Variants in WNT7A observed in about 807,000 individuals in gnomAD.
The protein encoded by WNT7A is protein Wnt-7a.
Under a neutral mutation model 28.2 loss-of-function variants are expected in WNT7A, and 16 were observed. The ratio of observed to expected loss-of-function variants is 0.57; its 90% CI spans 0.38 to 0.86. WNT7A has a LOEUF of 0.86. WNT7A is among the 40% of genes least tolerant of loss of function. The pLI, the probability that WNT7A is intolerant of heterozygous loss-of-function variation, is 0.00. For missense variants in WNT7A, 411 were observed against 489.7 expected, an observed-to-expected ratio of 0.84 and a Z score of 1.52; for synonymous variants, 190 against 195.9, an observed-to-expected ratio of 0.97 and a Z score of 0.25.
chr3:13,849,433 T>C (rs1213056448), intron 3 of WNT7A, among the ~76,000 whole-genome samples: 1 of 152,220 alleles, frequency 6.6e-6, no homozygotes, highest in Non-Finnish European at 1.5e-5. Context: ...TCCTGTATTA[T>C]ACCTTGCAGC....
intron 3 of WNT7A, among the ~76,000 whole-genome samples, chr3:13,835,946 C>G (rs1338445321): frequency 6.6e-6 from 1 of 152,140 alleles, no homozygotes; most frequent in East Asian, 1.9e-4. Flanking sequence ...GTGTATGCTT[C>G]CAGGTGTATG....
intron 3 of WNT7A, among the ~76,000 whole-genome samples, chr3:13,846,576 T>C (rs911300882): frequency 1.1e-4 from 17 of 152,210 alleles, no homozygotes; most frequent in African/African-American, 4.1e-4. Context: ...AGTGCTGATA[T>C]TAGAATCATG....
chr3:13,827,065 G>A (rs376743971), intron 3 of WNT7A, among the ~76,000 whole-genome samples: 8 of 152,206 alleles, frequency 5.3e-5, no homozygotes, highest in Non-Finnish European at 1.2e-4. Flanking sequence ...CTACTCCACA[G>A]GGTCTGCAGG....
At chr3:13,838,930 C>T (rs750109856) in intron 3 of WNT7A, among the ~76,000 whole-genome samples, 1 of 152,122 alleles carries the variant, frequency 6.6e-6, no homozygotes, top group Non-Finnish European at 1.5e-5. Flanking sequence ...AAACAAATGC[C>T]AGACTTTAAA....
At chr3:13,849,746 C>T (rs936874814) in intron 3 of WNT7A, among the ~76,000 whole-genome samples, 1 of 152,142 alleles carries the variant, frequency 6.6e-6, no homozygotes, top group Non-Finnish European at 1.5e-5. Flanking sequence ...CCCATTAAGG[C>T]AACATCTGAG....
chr3:13,858,523 C>T (rs1415477018), intron 2 of WNT7A, among the ~76,000 whole-genome samples: 3 of 152,156 alleles, frequency 2.0e-5, no homozygotes, highest in African/African-American at 7.2e-5. Flanking sequence ...CATTTCCATC[C>T]CACCCCTGAG....
chr3:13,850,740 C>T (rs1365830675), intron 3 of WNT7A, among the ~76,000 whole-genome samples: 2 of 151,966 alleles, frequency 1.3e-5, no homozygotes, highest in South Asian at 2.1e-4. Flanking sequence ...AGTAAGGACT[C>T]GAAAGCCTGG....
At chr3:13,871,535 C>A (rs996662041) in intron 2 of WNT7A, among the ~76,000 whole-genome samples, 1 of 151,940 alleles carries the variant, frequency 6.6e-6, no homozygotes, top group Middle Eastern at 3.2e-3. Flanking sequence ...AGGTTGTCAC[C>A]CTCCCTCCCT....
intron 3 of WNT7A, among the ~76,000 whole-genome samples, chr3:13,849,525 A>G (rs750021808): frequency 6.6e-6 from 1 of 152,174 alleles, no homozygotes; most frequent in Non-Finnish European, 1.5e-5. Flanking sequence ...TTGAGCACTT[A>G]CGATGCGCCA....
intron 3 of WNT7A, among the ~76,000 whole-genome samples, chr3:13,836,302 C>A (rs1481802280): frequency 6.6e-6 from 1 of 152,052 alleles, no homozygotes; most frequent in Non-Finnish European, 1.5e-5. Context: ...GGGGTGTCGG[C>A]CCTCGTGTGG....
At chr3:13,863,749 C>T (rs1694869746) in intron 2 of WNT7A, 1 of 152,226 alleles carries the variant, frequency 6.6e-6, no homozygotes, top group Non-Finnish European at 1.5e-5. Flanking sequence ...CTGTCTCTCT[C>T]ACTGGAAAGG....
intron 3 of WNT7A, among the ~76,000 whole-genome samples, chr3:13,837,424 C>G (rs1012219092): frequency 1.3e-5 from 2 of 151,772 alleles, no homozygotes; most frequent in Admixed American, 6.6e-5. Flanking sequence ...GCTTGCTCTC[C>G]CCTCCCCTCC....
chr3:13,821,639 C>T (rs1480328622), intron 3 of WNT7A, among the ~76,000 whole-genome samples: 1 of 152,198 alleles, frequency 6.6e-6, no homozygotes, highest in Non-Finnish European at 1.5e-5. Context: ...CTCAGAAACA[C>T]AGTGTGGAGG....
At chr3:13,833,611 C>A (rs769599809) in intron 3 of WNT7A, among the ~76,000 whole-genome samples, 1 of 152,348 alleles carries the variant, frequency 6.6e-6, no homozygotes, top group South Asian at 2.1e-4. Flanking sequence ...TAAGTGACCT[C>A]CCTGCAGGCT....
At chr3:13,837,271 A>T (rs973893104) in intron 3 of WNT7A, among the ~76,000 whole-genome samples, 1 of 151,564 alleles carries the variant, frequency 6.6e-6, no homozygotes, top group Non-Finnish European at 1.5e-5. Context: ...TGCCTGTGAC[A>T]CCCTTCCTCC....
At position 13,879,836 on chromosome 3, in the gene WNT7A, G is replaced by A. The variant is rs747988507; in HGVS notation, c.-20C>T. On this transcript the variant is annotated 5_prime_UTR_variant, in exon 1 of 4. Coordinates refer to ENST00000285018, the MANE Select transcript of WNT7A (RefSeq NM_004625.4). ...GTTCATAGTCCCGATTGGCCGCCGG[G>A]GCCGCGGGCCGGGCTGTGCTGATCC... 1 of 1,606,140 alleles carries A rather than the reference G, an allele frequency of 6.2e-7. No homozygotes were observed. The highest frequency in any genetic ancestry group is 8.5e-7 in the Non-Finnish European group (1 of 1,176,200).
At chr3:13,847,361 G>A (rs1035920367) in intron 3 of WNT7A, among the ~76,000 whole-genome samples, 11 of 152,204 alleles carry the variant, frequency 7.2e-5, no homozygotes, top group Admixed American at 3.3e-4. Flanking sequence ...TCTAGGGAGC[G>A]GAAGGGAGGT....
intron 3 of WNT7A, among the ~76,000 whole-genome samples, chr3:13,827,824 G>C (rs1395849815): frequency 6.6e-6 from 1 of 152,118 alleles, no homozygotes; most frequent in Non-Finnish European, 1.5e-5. Context: ...CCTGCCCCCA[G>C]CACCCATGGC....
chr3:13,837,823 C>A (rs1694393652), intron 3 of WNT7A, among the ~76,000 whole-genome samples: 1 of 152,160 alleles, frequency 6.6e-6, no homozygotes, highest in African/African-American at 2.4e-5. Context: ...CCCAGGTGGC[C>A]AGCTACCAAA....
Sources: gnomAD v4.1 joint callset for allele counts (sites outside exome capture counted in the v4.1 genomes callset) on GRCh38, gnomAD v4.1.1 for gene constraint, MANE v1.5 for transcripts, NCBI Gene and HGNC (gene_info 2026-07-23, HGNC 2026-07-21) for gene names.